LRMDA: variants seen among roughly 807,000 people sequenced by gnomAD.
The protein encoded by LRMDA is leucine rich melanocyte differentiation associated.
A neutral mutation model predicts 29.8 loss-of-function variants in LRMDA; 18 were observed. The observed-to-expected ratio is 0.60, with a 90% CI of 0.42 to 0.90. The LOEUF (loss-of-function observed/expected upper bound fraction) is 0.90. Ranked by LOEUF, LRMDA falls within the 40% of genes least tolerant of loss-of-function variation. The pLI, the probability that LRMDA is intolerant of heterozygous loss-of-function variation, is 0.00. For synonymous variants in LRMDA, 125 were observed against 109.4 expected (o/e 1.14, Z -0.89); for missense variants, 273 against 273.9 (o/e 1.00, Z 0.02).
chr10:75,722,215 A>G (rs1842577242), intron 2 of LRMDA, among the ~76,000 whole-genome samples: 1 of 152,074 alleles, frequency 6.6e-6, no homozygotes, highest in Admixed American at 6.5e-5. Context: ...GCCCTGGTGC[A>G]TCGTTATTGC....
intron 2 of LRMDA, among the ~76,000 whole-genome samples, chr10:76,023,038 C>T (rs2132493256): frequency 6.6e-6 from 1 of 151,528 alleles, no homozygotes; most frequent in South Asian, 2.1e-4. Flanking sequence ...TTTCTGATCT[C>T]TTCAAATTAC....
chr10:75,604,513 G>A (rs1840931123), intron 2 of LRMDA, among the ~76,000 whole-genome samples: 1 of 152,188 alleles, frequency 6.6e-6, no homozygotes, highest in Admixed American at 6.5e-5. Context: ...CTGTTCTGAA[G>A]TTTATCCTTG....
At chr10:76,215,871 C>A (rs1307912759) in intron 5 of LRMDA, among the ~76,000 whole-genome samples, 1 of 152,044 alleles carries the variant, frequency 6.6e-6, no homozygotes, top group Non-Finnish European at 1.5e-5. Flanking sequence ...CAATGAATCT[C>A]AGAAATAGGG....
intron 6 of LRMDA, among the ~76,000 whole-genome samples, chr10:76,485,711 A>G (rs1407541272): frequency 6.6e-6 from 1 of 151,866 alleles, no homozygotes; most frequent in African/African-American, 2.4e-5. Flanking sequence ...TGAATTTTTC[A>G]GATTTGTTTG....
Position 75,915,120 on chromosome 10 carries a change from CTTTTTTTTTTTTTTT to C in LRMDA, c.132-120873_132-120859del, listed in dbSNP as rs71024579. Among the ~76,000 whole-genome samples, 58 of 75,240 alleles carry C rather than the reference CTTTTTTTTTTTTTTT, an allele frequency of 7.7e-4. 1 individual carries two copies. The highest frequency in any genetic ancestry group is 3.9e-3 in the Admixed American group (20 of 5,082). The allele number at this position is 75,240 out of a possible 152,430, so 49.4% of individuals were successfully genotyped here. On this transcript the variant is annotated intron_variant, in intron 2 of 6. Transcript: ENST00000611255. Reference sequence around the variant, plus strand: ...CTTAGAAATTCTCATGTCTAACCTTCTTTTTTTTTTTTTTTTTTTTTTTTTTTTTGAGACAGAGTA... The same window carrying C: ...CTTAGAAATTCTCATGTCTAACCTTCTTTTTTTTTTTTTTGAGACAGAGTA...
intron 5 of LRMDA, among the ~76,000 whole-genome samples, chr10:76,140,733 G>A (rs151167455): frequency 6.6e-6 from 1 of 152,084 alleles, no homozygotes; most frequent in Non-Finnish European, 1.5e-5. Context: ...GAAGCTTCTC[G>A]AGAAGAATGA....
At chr10:76,001,149 C>T (rs535658467) in intron 2 of LRMDA, among the ~76,000 whole-genome samples, 4 of 152,314 alleles carry the variant, frequency 2.6e-5, no homozygotes, top group Admixed American at 1.3e-4. Flanking sequence ...GAAATTCTTT[C>T]GCATTGTCTG....
At chr10:75,928,042 A>ACATCATCAT (rs3042520) in intron 2 of LRMDA, among the ~76,000 whole-genome samples, 58 of 150,836 alleles carry the variant, frequency 3.8e-4, no homozygotes, top group East Asian at 1.4e-3. Flanking sequence ...TTTTAGTTTA[A>ACATCATCAT]CATCATCATC....
At chr10:75,695,428 T>C (rs570322117) in intron 2 of LRMDA, among the ~76,000 whole-genome samples, 3 of 152,228 alleles carry the variant, frequency 2.0e-5, no homozygotes, top group Non-Finnish European at 2.9e-5. Context: ...TCATATGCAT[T>C]TGTTTGCTTC....
At chr10:75,824,588 C>T (rs1253878735) in intron 2 of LRMDA, among the ~76,000 whole-genome samples, 1 of 152,212 alleles carries the variant, frequency 6.6e-6, no homozygotes, top group Non-Finnish European at 1.5e-5. Context: ...TTGTAGGTCA[C>T]ACTCTTAGGT....
At chr10:76,526,283 T>C (rs1429545945) in intron 6 of LRMDA, among the ~76,000 whole-genome samples, 3 of 152,176 alleles carry the variant, frequency 2.0e-5, no homozygotes, top group African/African-American at 7.2e-5. Context: ...ACAGTGATAG[T>C]GGCTGAAAGA....
chr10:76,485,694 C>T (rs183842773), intron 6 of LRMDA, among the ~76,000 whole-genome samples: 1 of 151,962 alleles, frequency 6.6e-6, no homozygotes, highest in Admixed American at 6.6e-5. Flanking sequence ...AATAAGTTTA[C>T]TGGCAATGAA....
At chr10:75,735,938 A>G (rs1842756924) in intron 2 of LRMDA, among the ~76,000 whole-genome samples, 1 of 152,112 alleles carries the variant, frequency 6.6e-6, no homozygotes, top group Non-Finnish European at 1.5e-5. Flanking sequence ...CTACACTTTA[A>G]TTATGAACTT....
intron 6 of LRMDA, among the ~76,000 whole-genome samples, chr10:76,353,536 C>T (rs534862563): frequency 2.0e-5 from 3 of 152,176 alleles, no homozygotes; most frequent in South Asian, 2.1e-4. Flanking sequence ...TTCGAAGCTC[C>T]GCAGACTGGC....
chr10:75,469,397 T>TGCTCTAAAGAGATTCA (rs1172997193), intron 2 of LRMDA, among the ~76,000 whole-genome samples: 3 of 152,102 alleles, frequency 2.0e-5, no homozygotes, highest in Non-Finnish European at 2.9e-5. Flanking sequence ...TCTGGGGCCT[T>TGCTCTAAAGAGATTCA]GCTCTAAAGA....
At chr10:75,938,670 T>C (rs1235460237) in intron 2 of LRMDA, among the ~76,000 whole-genome samples, 1 of 152,160 alleles carries the variant, frequency 6.6e-6, no homozygotes, top group Non-Finnish European at 1.5e-5. Flanking sequence ...AAGGTACGAG[T>C]AATGAAAGAC....
intron 2 of LRMDA, among the ~76,000 whole-genome samples, chr10:76,035,613 C>T (rs1245482234): frequency 6.6e-6 from 1 of 152,144 alleles, no homozygotes; most frequent in Non-Finnish European, 1.5e-5. Flanking sequence ...GAATTTGTGT[C>T]CAGGGAATGA....
intron 2 of LRMDA, among the ~76,000 whole-genome samples, chr10:75,903,156 T>A (rs1381040878): frequency 1.3e-5 from 2 of 152,240 alleles, no homozygotes; most frequent in African/African-American, 4.8e-5. Flanking sequence ...CCTCTCTCTA[T>A]TTAAGTCATT....
intron 2 of LRMDA, among the ~76,000 whole-genome samples, chr10:75,937,399 G>A (rs530830494): frequency 7.9e-5 from 12 of 152,272 alleles, no homozygotes; most frequent in South Asian, 4.1e-4. Context: ...CTTGTCAGCC[G>A]AGTAGCTTGG....
Sources: allele counts gnomAD v4.1 joint callset (sites outside exome capture counted in the v4.1 genomes callset), GRCh38; gene constraint gnomAD v4.1.1; transcripts MANE v1.5; gene names NCBI Gene and HGNC (gene_info 2026-07-23, HGNC 2026-07-21).